PELI2: variants seen among roughly 807,000 people sequenced by gnomAD.
The protein encoded by PELI2 is pellino E3 ubiquitin protein ligase family member 2, also known as E3 ubiquitin-protein ligase pellino homolog 2.
PELI2 carries 23 observed loss-of-function variants against 42.3 expected under a neutral mutation model. That is an observed-to-expected ratio of 0.54 (90% CI 0.39 to 0.77). The LOEUF (loss-of-function observed/expected upper bound fraction) is 0.77. PELI2 is among the 30% of genes least tolerant of loss of function. PELI2 has a pLI of 0.00. For missense variants in PELI2, 463 were observed against 553.2 expected (o/e 0.84, Z 1.64); for synonymous variants, 245 against 212.2 (o/e 1.15, Z -1.34).
intron 2 of PELI2, among the ~76,000 whole-genome samples, chr14:56,205,201 G>A (rs1886474493): frequency 1.3e-5 from 2 of 152,124 alleles, no homozygotes; most frequent in Non-Finnish European, 2.9e-5. Flanking sequence ...CGCTGGAGAA[G>A]TTACGGGTAC....
In PELI2 at chr14:56,118,452, C is replaced by T. The variant is rs1882930742; in HGVS notation, c.-209C>T. The stretch of plus-strand genomic sequence containing the variant: ...TCTGACTCGGGGCGGCCGCGGCGCG[C>T]GGAGCTCCGGGGAGTCAGGCGGAGC... On this transcript the variant is annotated 5_prime_UTR_variant, in exon 1 of 6. Coordinates refer to ENST00000267460, the MANE Select transcript of PELI2 (RefSeq NM_021255.3). 6.7e-6 allele frequency: 2 copies of T among 299,322 alleles called. No homozygotes were observed. Among genetic ancestry groups the T allele is most frequent in the Non-Finnish European group, 1.2e-5 (2 of 163,908 alleles). The allele number at this position is 299,322 out of a possible 1,614,324, so 18.5% of individuals were successfully genotyped here.
intron 5 of PELI2, chr14:56,292,963 T>A: frequency 3.0e-6 from 1 of 331,314 alleles, no homozygotes; most frequent in Non-Finnish European, 4.3e-6. Flanking sequence ...TGTATAAAAT[T>A]AAGTAAATTC....
intron 2 of PELI2, among the ~76,000 whole-genome samples, chr14:56,225,563 G>A (rs756461843): frequency 2.2e-4 from 34 of 152,224 alleles, no homozygotes; most frequent in Non-Finnish European, 4.6e-4. Context: ...AGCTGTGGGG[G>A]TGGCAGAGCC....
chr14:56,192,550 A>G (rs1050828525), intron 2 of PELI2, among the ~76,000 whole-genome samples: 9 of 152,142 alleles, frequency 5.9e-5, no homozygotes, highest in Admixed American at 5.9e-4. Flanking sequence ...TTCAGATGTT[A>G]CTGGATGTCC....
intron 1 of PELI2, among the ~76,000 whole-genome samples, chr14:56,154,255 T>C (rs961642201): frequency 2.0e-5 from 3 of 152,242 alleles, no homozygotes; most frequent in Admixed American, 6.5e-5. Context: ...GTAGTAAATA[T>C]AATTTCATCA....
chr14:56,209,404 A>G (rs1886634976), intron 2 of PELI2, among the ~76,000 whole-genome samples: 1 of 152,182 alleles, frequency 6.6e-6, no homozygotes, highest in Admixed American at 6.5e-5. Flanking sequence ...AACCCAATCG[A>G]TGTGTTGCAA....
intron 2 of PELI2, among the ~76,000 whole-genome samples, chr14:56,229,818 T>A (rs1029598903): frequency 2.0e-5 from 3 of 152,186 alleles, no homozygotes; most frequent in Admixed American, 2.0e-4. Flanking sequence ...AAGGACGATG[T>A]TCAAACCCAT....
At chr14:56,131,939 T>A (rs1883501283) in intron 1 of PELI2, among the ~76,000 whole-genome samples, 1 of 151,890 alleles carries the variant, frequency 6.6e-6, no homozygotes, top group South Asian at 2.1e-4. Flanking sequence ...CAGGAGAGAG[T>A]TGCTTCTCTC....
intron 1 of PELI2, among the ~76,000 whole-genome samples, chr14:56,175,085 T>A (rs1885323598): frequency 1.3e-5 from 2 of 152,192 alleles, no homozygotes; most frequent in South Asian, 4.1e-4. Context: ...AGTCTCCACT[T>A]TCCTGGCTCA....
intron 1 of PELI2, 98 bp downstream of exon 1, chr14:56,118,835 C>A: frequency 1.4e-6 from 1 of 709,060 alleles, no homozygotes; most frequent in Non-Finnish European, 2.0e-6. Context: ...TCTTTGGGGA[C>A]CGCCGGGGCG....
intron 1 of PELI2, among the ~76,000 whole-genome samples, chr14:56,147,922 A>G (rs996849351): frequency 6.6e-5 from 10 of 152,248 alleles, no homozygotes; most frequent in African/African-American, 2.2e-4. Flanking sequence ...ACAAGACTGC[A>G]TAGTCTATGT....
chr14:56,250,334 G>T (rs1028752832), intron 2 of PELI2, among the ~76,000 whole-genome samples: 1 of 152,156 alleles, frequency 6.6e-6, no homozygotes, highest in South Asian at 2.1e-4. Flanking sequence ...ATTAGTTAGG[G>T]TTCTCTAATG....
At chr14:56,221,824 G>T (rs1187866120) in intron 2 of PELI2, among the ~76,000 whole-genome samples, 1 of 152,138 alleles carries the variant, frequency 6.6e-6, no homozygotes, top group Non-Finnish European at 1.5e-5. Context: ...CGAATTGCTT[G>T]GTTCCTTTTG....
At chr14:56,250,178 C>G (rs1301133617) in intron 2 of PELI2, among the ~76,000 whole-genome samples, 1 of 152,168 alleles carries the variant, frequency 6.6e-6, no homozygotes, top group Non-Finnish European at 1.5e-5. Context: ...CTGTGGAGCA[C>G]TGCCTGATGC....
chr14:56,207,015 A>G (rs1447819335), intron 2 of PELI2, among the ~76,000 whole-genome samples: 1 of 152,250 alleles, frequency 6.6e-6, no homozygotes, highest in Non-Finnish European at 1.5e-5. Context: ...TGGGTATTCA[A>G]TTGTAATTCT....
intron 2 of PELI2, among the ~76,000 whole-genome samples, chr14:56,263,952 A>G (rs1485934950): frequency 2.0e-5 from 3 of 152,344 alleles, no homozygotes; most frequent in East Asian, 1.9e-4. Context: ...ACTATTTGCA[A>G]TAGCATAAAA....
chr14:56,153,637 G>A (rs557796056), intron 1 of PELI2, among the ~76,000 whole-genome samples: 4 of 152,280 alleles, frequency 2.6e-5, no homozygotes, highest in African/African-American at 4.8e-5. Flanking sequence ...ATATATCCAT[G>A]TGAGGAATCT....
rs1488011864 is a variant in PELI2 at position 56,300,657 on chromosome 14, G to T, written c.*3491G>T. 1 of 152,094 alleles carries T rather than the reference G, an allele frequency of 6.6e-6. No individual in the cohort carries two copies. Among genetic ancestry groups the T allele is most frequent in the East Asian group, 1.9e-4 (1 of 5,196 alleles). 9.4% of individuals were successfully genotyped at this position (152,094 alleles called of 1,614,324 possible). ...TGAAAGGGTGTGTGATTACACCATT[G>T]TTAATGCTGGGTAAAAACTATCTTC... On this transcript the variant is annotated 3_prime_UTR_variant, in exon 6 of 6. Coordinates refer to ENST00000267460, the MANE Select transcript of PELI2 (RefSeq NM_021255.3).
chr14:56,129,524 C>T lies in PELI2; in HGVS notation c.77+10787C>T, dbSNP rs1883402373. 2.0e-5 allele frequency among the ~76,000 whole-genome samples: 3 copies of T among 152,216 alleles called. No homozygotes were observed. In the South Asian group the frequency reaches 6.2e-4, roughly 32 times the overall value. On this transcript the variant is annotated intron_variant, in intron 1 of 5. Transcript: ENST00000267460. ...GTTACCCATTCAGACAACTGTGCCT[C>T]TGGAGCCTTGCTTTCCCTGGAGGCC...
Sources: gnomAD v4.1 joint callset for allele counts (sites outside exome capture counted in the v4.1 genomes callset) on GRCh38, gnomAD v4.1.1 for gene constraint, MANE v1.5 for transcripts, NCBI Gene and HGNC (gene_info 2026-07-23, HGNC 2026-07-21) for gene names.